Variants in MACROD2 observed in about 807,000 individuals in gnomAD.
The protein encoded by MACROD2 is mono-ADP ribosylhydrolase 2.
In MACROD2, 36 loss-of-function variants were observed where a neutral mutation model predicts 70.4. The observed-to-expected ratio is 0.51, with a 90% confidence interval of 0.39 to 0.68. MACROD2 has a LOEUF of 0.68. Among genes scored for constraint, MACROD2 ranks in the 30% least tolerant of loss-of-function variants. The pLI is 0.00. For missense variants in MACROD2, 496 were observed against 538.4 expected (o/e 0.92, Z 0.78); for synonymous variants, 172 against 178.8 (o/e 0.96, Z 0.30).
At chr20:15,499,944 CA>C in intron 8 of MACROD2, 97 bp downstream of exon 8, 1 of 1,161,136 alleles carries the variant, frequency 8.6e-7, no homozygotes, top group Non-Finnish European at 1.3e-6. Context: ...ATATCAACTA[CA>C]CCTAGTCATT....
chr20:15,439,691 T>C (rs910135229), intron 7 of MACROD2, among the ~76,000 whole-genome samples: 1 of 152,168 alleles, frequency 6.6e-6, no homozygotes, highest in African/African-American at 2.4e-5. Context: ...TTCTTTGAAG[T>C]TCCCCTGGAA....
chr20:16,025,984 A>T (rs1266109417), intron 15 of MACROD2, among the ~76,000 whole-genome samples: 1 of 30,916 alleles, frequency 3.2e-5, no homozygotes, highest in African/African-American at 7.1e-5. Context: ...CATCTCTACT[A>T]AAAAAAAAAA....
At chr20:14,353,662 C>T (rs1022109368) in intron 3 of MACROD2, among the ~76,000 whole-genome samples, 2 of 152,126 alleles carry the variant, frequency 1.3e-5, no homozygotes, top group African/African-American at 2.4e-5. Context: ...TTCATTGACT[C>T]AATAGCTTTC....
chr20:14,596,241 C>G (rs904427672), intron 4 of MACROD2, among the ~76,000 whole-genome samples: 4 of 151,528 alleles, frequency 2.6e-5, no homozygotes, highest in Non-Finnish European at 4.4e-5. Flanking sequence ...AGGCGCCCGC[C>G]ACCAAGCCCG....
chr20:14,680,683 G>A (rs939118794), intron 4 of MACROD2, among the ~76,000 whole-genome samples: 4 of 151,994 alleles, frequency 2.6e-5, no homozygotes, highest in African/African-American at 9.7e-5. Context: ...GTATTCCAGA[G>A]TCAAATGAAA....
chr20:14,258,481 A>G (rs2082075646), intron 3 of MACROD2, among the ~76,000 whole-genome samples: 1 of 151,980 alleles, frequency 6.6e-6, no homozygotes, highest in South Asian at 2.1e-4. Context: ...TGCTGAGCAT[A>G]TTTTCATATG....
intron 8 of MACROD2, among the ~76,000 whole-genome samples, chr20:15,766,948 C>A (rs1477635167): frequency 1.3e-5 from 2 of 152,186 alleles, no homozygotes; most frequent in Non-Finnish European, 2.9e-5. Context: ...TTGCACAACA[C>A]TTTTCATGTC....
chr20:15,223,188 GGCCT>G (rs1324312229), intron 5 of MACROD2, among the ~76,000 whole-genome samples: 2 of 152,086 alleles, frequency 1.3e-5, no homozygotes, highest in African/African-American at 4.8e-5. Context: ...AGCACAAAAG[GGCCT>G]GCCATCTCAT....
intron 12 of MACROD2, among the ~76,000 whole-genome samples, chr20:15,944,109 A>G (rs2065787838): frequency 1.3e-5 from 2 of 152,108 alleles, no homozygotes; most frequent in South Asian, 2.1e-4. Flanking sequence ...TTTTCTTCCT[A>G]TTACAAATAA....
chr20:15,593,901 G>T (rs1337325206), intron 8 of MACROD2, among the ~76,000 whole-genome samples: 1 of 152,202 alleles, frequency 6.6e-6, no homozygotes, highest in Non-Finnish European at 1.5e-5. Flanking sequence ...TTGATGCTGT[G>T]TATGGCTGGC....
chr20:14,622,218 G>A (rs1348796681), intron 4 of MACROD2, among the ~76,000 whole-genome samples: 1 of 151,960 alleles, frequency 6.6e-6, no homozygotes, highest in African/African-American at 2.4e-5. Context: ...CTACATACAT[G>A]CCTTTAGTTT....
chr20:14,300,949 A>C (rs776161560), intron 3 of MACROD2, among the ~76,000 whole-genome samples: 5 of 152,218 alleles, frequency 3.3e-5, no homozygotes, highest in Non-Finnish European at 7.4e-5. Context: ...TTATAAGGAA[A>C]AGCTGTGGCC....
intron 4 of MACROD2, among the ~76,000 whole-genome samples, chr20:14,514,064 T>C (rs1447286013): frequency 6.6e-6 from 1 of 152,094 alleles, no homozygotes; most frequent in African/African-American, 2.4e-5. Context: ...CTCACTGGAC[T>C]TACCATAAAG....
chr20:15,502,384 G>A (rs1019735339), intron 8 of MACROD2, among the ~76,000 whole-genome samples: 3 of 152,206 alleles, frequency 2.0e-5, no homozygotes, highest in Non-Finnish European at 4.4e-5. Context: ...GAAGCAGAGA[G>A]ACGAAAGAAT....
intron 4 of MACROD2, chr20:14,622,768 A>T (rs971396628): frequency 6.6e-6 from 1 of 152,238 alleles, no homozygotes; most frequent in African/African-American, 2.4e-5. Context: ...GACAATCAGT[A>T]TACCACAGTT....
intron 3 of MACROD2, among the ~76,000 whole-genome samples, chr20:14,382,537 T>G (rs2083432289): frequency 6.6e-6 from 1 of 151,748 alleles, no homozygotes; most frequent in South Asian, 2.1e-4. Flanking sequence ...GCGTGGTGGT[T>G]CATGCCTGTA....
chr20:14,408,596 C>T (rs1451716112), intron 3 of MACROD2, among the ~76,000 whole-genome samples: 2 of 152,194 alleles, frequency 1.3e-5, no homozygotes. Flanking sequence ...CTGCCAGGAT[C>T]TCAGTCCCTG....
chr20:14,499,462 C>T (rs2084892393), intron 4 of MACROD2, among the ~76,000 whole-genome samples: 1 of 151,758 alleles, frequency 6.6e-6, no homozygotes, highest in Admixed American at 6.6e-5. Context: ...GAGCTCTGGA[C>T]GTTGAGGCTG....
chr20:15,583,966 TC>T (rs2048562411), intron 8 of MACROD2, among the ~76,000 whole-genome samples: 1 of 152,232 alleles, frequency 6.6e-6, no homozygotes, highest in South Asian at 2.1e-4. Context: ...GATCACACTG[TC>T]CCCTCCAAAC....
Sources: allele counts gnomAD v4.1 joint callset (sites outside exome capture counted in the v4.1 genomes callset), GRCh38; gene constraint gnomAD v4.1.1; transcripts MANE v1.5; gene names NCBI Gene and HGNC (gene_info 2026-07-23, HGNC 2026-07-21).